ANKH: variants seen among roughly 807,000 people sequenced by gnomAD.
ANKH encodes mineralization regulator ANKH.
A neutral mutation model predicts 49.0 loss-of-function variants in ANKH; 15 were observed. The observed-to-expected ratio is 0.31, with a 90% CI of 0.20 to 0.47. The LOEUF is 0.47. Ranked by LOEUF, ANKH falls within the 20% of genes least tolerant of loss-of-function variation. The pLI, the probability that ANKH is intolerant of heterozygous loss-of-function variation, is 1.00. For missense variants in ANKH, 429 were observed against 652.0 expected (o/e 0.66, Z 3.72); for synonymous variants, 273 against 260.0 (o/e 1.05, Z -0.48).
At position 14,737,895 on chromosome 5, in the gene ANKH, TCTCATC is replaced by T. The variant is rs1738237479; in HGVS notation, c.1011+3926_1011+3931del. On this transcript the variant is annotated intron_variant, in intron 8 of 11. Coordinates refer to ENST00000284268, the MANE Select transcript of ANKH (RefSeq NM_054027.6). The surrounding 1 kb of genome is among the most constrained non-coding windows in gnomAD (Gnocchi z 5.0). ...TTGGATCAACTAAAGGTACCCCCTT[TCTCATC>T]CTCATGCCCATCAGATGGTTTAGAG... Among the ~76,000 whole-genome samples, 1 of 152,172 alleles carries T rather than the reference TCTCATC, an allele frequency of 6.6e-6. No homozygotes were observed. Among genetic ancestry groups the T allele is most frequent in the Admixed American group, 6.5e-5 (1 of 15,270 alleles).
intron 8 of ANKH, among the ~76,000 whole-genome samples, chr5:14,726,251 T>C (rs189383000): frequency 6.6e-6 from 1 of 152,276 alleles, no homozygotes; most frequent in African/African-American, 2.4e-5. Flanking sequence ...GACGCAGCCA[T>C]AAGGAATGCT....
At chr5:14,734,612 G>C (rs371684979) in intron 8 of ANKH, among the ~76,000 whole-genome samples, 14 of 152,182 alleles carry the variant, frequency 9.2e-5, no homozygotes, top group African/African-American at 3.4e-4. Context: ...GGCAGCACTC[G>C]GCAGGTGCAG....
At chr5:14,821,746 C>T (rs1741202111) in intron 1 of ANKH, among the ~76,000 whole-genome samples, 1 of 152,162 alleles carries the variant, frequency 6.6e-6, no homozygotes, top group East Asian at 1.9e-4. Flanking sequence ...TAATTTCTGC[C>T]GCATCCCATC....
Position 14,823,204 on chromosome 5 carries a change from A to G in ANKH, c.96+48148T>C, listed in dbSNP as rs188471785. 1.5e-3 allele frequency among the ~76,000 whole-genome samples: 230 copies of G among 152,312 alleles called. 2 individuals are homozygous for G. Among genetic ancestry groups the G allele is most frequent in the African/African-American group, 5.3e-3 (222 of 41,558 alleles). ...GTGTGAACTTCAGTGTTTACTTGTA[A>G]CAGTTCCATGAGTAGTCAGAAAGCC... On this transcript the variant is annotated intron_variant, in intron 1 of 11. Transcript: ENST00000284268.
At chr5:14,810,520 T>A (rs539411799) in intron 1 of ANKH, among the ~76,000 whole-genome samples, 26 of 152,320 alleles carry the variant, frequency 1.7e-4, no homozygotes, top group African/African-American at 6.3e-4. Context: ...CCTGCACTGA[T>A]CACAATTAAC....
chr5:14,735,846 C>G (rs1738161794), intron 8 of ANKH, among the ~76,000 whole-genome samples: 1 of 152,086 alleles, frequency 6.6e-6, no homozygotes, highest in Admixed American at 6.5e-5. Context: ...TTCTGAGGTA[C>G]TGGGGGTTAG....
At position 14,713,761 on chromosome 5, in the gene ANKH, G is replaced by T; in HGVS notation, c.1142-94C>A. ...CAGGGCAGCACATCCGAGAGCCAGG[G>T]GCTGCCTAGGACCCTGGCCTTGCTG... On this transcript the variant is annotated intron_variant, in intron 9 of 11. Coordinates refer to ENST00000284268, the MANE Select transcript of ANKH (RefSeq NM_054027.6). The surrounding 1 kb of genome is among the most constrained non-coding windows in gnomAD (Gnocchi z 4.4). The T allele has an allele frequency of 1.9e-6, 3 of 1,572,198 alleles. No individual in the cohort carries two copies. In the East Asian group the frequency reaches 6.7e-5, roughly 35 times the overall value.
Position 14,871,486 on chromosome 5 carries a change from C to A in ANKH, c.-39G>T. On this transcript the variant is annotated 5_prime_UTR_variant, in exon 1 of 12. Transcript: ENST00000284268. The stretch of plus-strand genomic sequence containing the variant: ...GGCTGACCCCACACACATCTGCTGC[C>A]GCGAGGGGACTCTGCGGGGAGGCGA... The A allele has an allele frequency of 6.4e-7, 1 of 1,550,706 alleles. No individual in the cohort carries two copies.
In ANKH at chr5:14,745,672, A is replaced by G. The variant is rs1246125098; in HGVS notation, c.915+198T>C. The stretch of plus-strand genomic sequence containing the variant: ...GATCACTTTGGAAAAGCATCCTGGG[A>G]TCAGCGTCAAAGGTAAGCTTCAACT... On this transcript the variant is annotated intron_variant, in intron 7 of 11. Coordinates refer to ENST00000284268, the MANE Select transcript of ANKH (RefSeq NM_054027.6). The surrounding 1 kb of genome is among the most constrained non-coding windows in gnomAD (Gnocchi z 4.7). 3.3e-5 allele frequency among the ~76,000 whole-genome samples: 5 copies of G among 152,232 alleles called. No homozygotes were observed. Among genetic ancestry groups the G allele is most frequent in the Non-Finnish European group, 5.9e-5 (4 of 68,038 alleles).
intron 1 of ANKH, among the ~76,000 whole-genome samples, chr5:14,829,098 C>T (rs531626631): frequency 2.0e-5 from 3 of 149,376 alleles, no homozygotes; most frequent in South Asian, 4.2e-4. Flanking sequence ...GCAGTAGAAT[C>T]GCTTGAACCT....
At chr5:14,765,311 G>A (rs1739224281) in intron 2 of ANKH, among the ~76,000 whole-genome samples, 1 of 152,220 alleles carries the variant, frequency 6.6e-6, no homozygotes, top group Non-Finnish European at 1.5e-5. Context: ...CAGGCTATGG[G>A]TGTGCATAGT....
rs759406634 is a variant in ANKH at position 14,737,888 on chromosome 5, C to A, written c.1011+3939G>T. 5.3e-5 allele frequency among the ~76,000 whole-genome samples: 8 copies of A among 152,156 alleles called. No homozygotes were observed. The highest frequency in any genetic ancestry group is 1.0e-4 in the Non-Finnish European group (7 of 68,038). ...CAATCTTTTGGATCAACTAAAGGTA[C>A]CCCCTTTCTCATCCTCATGCCCATC... On this transcript the variant is annotated intron_variant, in intron 8 of 11. Transcript: ENST00000284268. This position sits in a 1 kb window ranked among gnomAD's most constrained non-coding sequence, Gnocchi z 5.0.
intron 1 of ANKH, among the ~76,000 whole-genome samples, chr5:14,825,416 A>G (rs901052338): frequency 2.0e-5 from 3 of 152,184 alleles, no homozygotes; most frequent in African/African-American, 7.2e-5. Context: ...CAATGGCACA[A>G]TCTTGGCTCA....
chr5:14,789,071 T>C (rs1316877433), intron 1 of ANKH, among the ~76,000 whole-genome samples: 1 of 151,900 alleles, frequency 6.6e-6, no homozygotes, highest in African/African-American at 2.4e-5. Context: ...TCTACAAAAA[T>C]ACAAAAATTA....
At chr5:14,768,925 A>C in intron 2 of ANKH, 50 bp downstream of exon 2, 1 of 1,546,530 alleles carries the variant, frequency 6.5e-7, no homozygotes, top group Non-Finnish European at 8.9e-7. Flanking sequence ...AATGAAAAGG[A>C]ATAAGAAATT....
intron 1 of ANKH, among the ~76,000 whole-genome samples, chr5:14,830,464 G>T (rs1172950350): frequency 6.6e-6 from 1 of 151,838 alleles, no homozygotes; most frequent in Non-Finnish European, 1.5e-5. Flanking sequence ...TGGCTGGAAA[G>T]TTATTCCCTG....
intron 1 of ANKH, among the ~76,000 whole-genome samples, chr5:14,773,633 T>C (rs1190063065): frequency 6.6e-6 from 1 of 152,204 alleles, no homozygotes; most frequent in South Asian, 2.1e-4. Flanking sequence ...ACTTAAGCGC[T>C]GAGTGGCCTT....
At position 14,711,273 on chromosome 5, in the gene ANKH, T is replaced by TC. The variant is rs1561016203; in HGVS notation, c.1402dup (p.Glu468GlyfsTer25). 1.2e-6 allele frequency: 2 copies of TC among 1,614,010 alleles called. No homozygotes were observed. The highest frequency in any genetic ancestry group is 8.5e-7 in the Non-Finnish European group (1 of 1,179,988). ...AGGCATGTCTGTCATGGCAGAGTCT[T>TC]CCCCCTCCGTGGCCGACTCATTCTC... On this transcript the variant is annotated frameshift_variant, in exon 12 of 12. Transcript: ENST00000284268. LOFTEE classifies it high-confidence loss of function.
At chr5:14,738,726 G>A (rs373916820) in intron 8 of ANKH, among the ~76,000 whole-genome samples, 34 of 151,634 alleles carry the variant, frequency 2.2e-4, no homozygotes, top group African/African-American at 8.0e-4. Context: ...GCAACATAGT[G>A]AGACCCCTTC....
Sources: allele counts gnomAD v4.1 joint callset (sites outside exome capture counted in the v4.1 genomes callset), GRCh38; gene constraint gnomAD v4.1.1; non-coding constraint Gnocchi (gnomAD v3.1); transcripts MANE v1.5; gene names NCBI Gene and HGNC (gene_info 2026-07-23, HGNC 2026-07-21).